SFXN5: variants seen among roughly 807,000 people sequenced by gnomAD.
SFXN5 encodes the protein sideroflexin-5.
In SFXN5, 43 loss-of-function variants were observed where a neutral mutation model predicts 50.2. The observed-to-expected ratio is 0.86, with a 90% confidence interval of 0.67 to 1.11. The LOEUF (loss-of-function observed/expected upper bound fraction) is 1.11, where lower values mean the gene tolerates loss of function less well. SFXN5 is among the 50% of genes least tolerant of loss of function. SFXN5 has a pLI of 0.00. For synonymous variants in SFXN5, 203 were observed against 185.8 expected, an observed-to-expected ratio of 1.09 and a Z score of -0.75; for missense variants, 463 against 454.1, an observed-to-expected ratio of 1.02 and a Z score of -0.18.
intron 10 of SFXN5, among the ~76,000 whole-genome samples, chr2:72,984,823 G>A (rs915111026): frequency 1.3e-5 from 2 of 152,178 alleles, no homozygotes; most frequent in Admixed American, 6.5e-5. Flanking sequence ...TGGGAATGGT[G>A]GAGTTTGGTG....
intron 10 of SFXN5, among the ~76,000 whole-genome samples, chr2:72,986,048 G>C (rs1671881748): frequency 2.6e-5 from 4 of 152,236 alleles, no homozygotes; most frequent in Admixed American, 2.0e-4. Context: ...TTCTCAGGCT[G>C]CATCTGACCC....
At chr2:73,038,060 A>C (rs1679184842) in intron 3 of SFXN5, among the ~76,000 whole-genome samples, 1 of 152,204 alleles carries the variant, frequency 6.6e-6, no homozygotes, top group South Asian at 2.1e-4. Context: ...TGTTCTGAGA[A>C]ATGCATCATT....
At chr2:72,968,990 A>G (rs1674826417) in intron 11 of SFXN5, among the ~76,000 whole-genome samples, 3 of 151,766 alleles carry the variant, frequency 2.0e-5, no homozygotes, top group Non-Finnish European at 2.9e-5. Context: ...TTTAGTAGGG[A>G]TGGGATGGGG....
chr2:73,005,771 C>T (rs190329484), intron 6 of SFXN5, among the ~76,000 whole-genome samples: 23 of 152,304 alleles, frequency 1.5e-4, no homozygotes, highest in African/African-American at 5.3e-4. Flanking sequence ...TCTTCTGATG[C>T]CCCCGCCATG....
intron 2 of SFXN5, among the ~76,000 whole-genome samples, chr2:73,056,030 C>T (rs948085058): frequency 6.6e-6 from 1 of 151,974 alleles, no homozygotes; most frequent in Non-Finnish European, 1.5e-5. Flanking sequence ...CCCAGCTACT[C>T]GGGAGGCTGA....
chr2:73,029,459 C>G (rs905168545), intron 3 of SFXN5, among the ~76,000 whole-genome samples: 6 of 151,998 alleles, frequency 3.9e-5, no homozygotes, highest in Non-Finnish European at 8.8e-5. Flanking sequence ...AATCATCTTT[C>G]AAAGTAACTT....
At chr2:72,969,685 G>A (rs1343241788) in intron 11 of SFXN5, among the ~76,000 whole-genome samples, 1 of 150,464 alleles carries the variant, frequency 6.6e-6, no homozygotes, top group Non-Finnish European at 1.5e-5. Context: ...GTGAGACACC[G>A]TGCCCGGCCT....
At chr2:73,031,252 C>T (rs1313435235) in intron 3 of SFXN5, among the ~76,000 whole-genome samples, 1 of 152,232 alleles carries the variant, frequency 6.6e-6, no homozygotes, top group Non-Finnish European at 1.5e-5. Context: ...AAGTGATGTG[C>T]CTTTTCCAGG....
intron 1 of SFXN5, among the ~76,000 whole-genome samples, chr2:73,060,904 T>C (rs183257788): frequency 0.013 from 2,000 of 151,904 alleles, 35 homozygotes; most frequent in Non-Finnish European, 0.018. Flanking sequence ...GGTTTCACCA[T>C]GTTAGCCAGG....
At chr2:72,976,936 A>C (rs1670683605) in intron 10 of SFXN5, among the ~76,000 whole-genome samples, 1 of 152,144 alleles carries the variant, frequency 6.6e-6, no homozygotes, top group Admixed American at 6.5e-5. Context: ...ATGGTGACTG[A>C]CTCCTAAGAG....
At chr2:72,968,402 C>G (rs1008268693) in intron 12 of SFXN5, 46 bp downstream of exon 12, 2 of 1,573,048 alleles carry the variant, frequency 1.3e-6, no homozygotes, top group Admixed American at 3.4e-5. Context: ...TCCCTCTCCC[C>G]CTCCTCCCCC....
chr2:72,984,624 A>T (rs1054188467), intron 10 of SFXN5, among the ~76,000 whole-genome samples: 3 of 152,204 alleles, frequency 2.0e-5, no homozygotes, highest in Non-Finnish European at 4.4e-5. Context: ...GGACCCTCCC[A>T]GCACAGAATG....
chr2:73,060,213 A>AC (rs1682641472), intron 1 of SFXN5, among the ~76,000 whole-genome samples: 1 of 152,170 alleles, frequency 6.6e-6, no homozygotes, highest in Non-Finnish European at 1.5e-5. Flanking sequence ...TGAAACTGGT[A>AC]CATTTTGTTG....
intron 10 of SFXN5, among the ~76,000 whole-genome samples, chr2:72,978,890 C>T (rs1574016252): frequency 6.6e-6 from 1 of 152,060 alleles, no homozygotes; most frequent in East Asian, 1.9e-4. Context: ...GAAACTCTTA[C>T]TCATGTGCAC....
chr2:72,945,372 CTG>C lies in SFXN5; in HGVS notation c.946-275_946-274del, dbSNP rs1475704942. Among the ~76,000 whole-genome samples, 1 of 152,148 alleles carries C rather than the reference CTG, an allele frequency of 6.6e-6. No individual in the cohort carries two copies. The highest frequency in any genetic ancestry group is 6.5e-5 in the Admixed American group (1 of 15,276). On this transcript the variant is annotated intron_variant, in intron 13 of 13. Coordinates refer to ENST00000272433, the MANE Select transcript of SFXN5 (RefSeq NM_144579.3). The surrounding 1 kb of genome is among the most constrained non-coding windows in gnomAD (Gnocchi z 5.8). ...GGGTGGACATCCTACACACTGGCCTCTGAGTTCTGCATCTCCCTCACCCCCAA... is the reference window on the plus strand; with the variant it reads ...GGGTGGACATCCTACACACTGGCCTCAGTTCTGCATCTCCCTCACCCCCAA...
At chr2:73,067,820 GACA>G (rs1302080057) in intron 1 of SFXN5, among the ~76,000 whole-genome samples, 1 of 152,170 alleles carries the variant, frequency 6.6e-6, no homozygotes, top group Non-Finnish European at 1.5e-5. Flanking sequence ...ATAAAAAGTT[GACA>G]ACAAACCAAC....
At chr2:73,057,157 AAGAT>A (rs1379369260) in intron 2 of SFXN5, among the ~76,000 whole-genome samples, 1 of 152,026 alleles carries the variant, frequency 6.6e-6, no homozygotes, top group Non-Finnish European at 1.5e-5. Context: ...TTTTTTTTAA[AAGAT>A]AGGGTCTCAC....
intron 1 of SFXN5, among the ~76,000 whole-genome samples, chr2:73,065,798 G>A (rs757806181): frequency 2.6e-5 from 4 of 152,028 alleles, no homozygotes; most frequent in Non-Finnish European, 5.9e-5. Flanking sequence ...CAAGTGATCT[G>A]CCCGCCTTAG....
intron 1 of SFXN5, among the ~76,000 whole-genome samples, chr2:73,065,764 A>G (rs533872461): frequency 6.6e-6 from 1 of 152,252 alleles, no homozygotes; most frequent in East Asian, 1.9e-4. Context: ...CATGTTGGCC[A>G]GGCTGATCTC....
Sources: allele counts gnomAD v4.1 joint callset (sites outside exome capture counted in the v4.1 genomes callset), GRCh38; gene constraint gnomAD v4.1.1; non-coding constraint Gnocchi (gnomAD v3.1); transcripts MANE v1.5; gene names NCBI Gene and HGNC (gene_info 2026-07-23, HGNC 2026-07-21).